Variants in IGF1R observed in about 807,000 individuals in gnomAD.
IGF1R encodes insulin like growth factor 1 receptor, also known as insulin-like growth factor 1 receptor.
IGF1R carries 44 observed loss-of-function variants against 144.6 expected under a neutral mutation model. That is an observed-to-expected ratio of 0.30 (90% confidence interval 0.24 to 0.39). The LOEUF is 0.39. IGF1R is among the 10% of genes least tolerant of loss of function. The probability of loss-of-function intolerance (pLI) is 1.00; values close to 1 mark genes in which losing one functional copy is unlikely to be tolerated. For synonymous variants in IGF1R, 795 were observed against 722.8 expected, an observed-to-expected ratio of 1.10 and a Z score of -1.60; for missense variants, 1,355 against 1,833.7, an observed-to-expected ratio of 0.74 and a Z score of 4.77.
chr15:98,825,123 G>C (rs1158859705), intron 2 of IGF1R, among the ~76,000 whole-genome samples: 1 of 152,176 alleles, frequency 6.6e-6, no homozygotes, highest in Non-Finnish European at 1.5e-5. Flanking sequence ...ACAGGCATGA[G>C]CCACCATGCC....
At chr15:98,716,878 G>T (rs2054130536) in intron 2 of IGF1R, among the ~76,000 whole-genome samples, 1 of 152,154 alleles carries the variant, frequency 6.6e-6, no homozygotes, top group Non-Finnish European at 1.5e-5. Flanking sequence ...TCATGGGGCT[G>T]GCCAGGCCTC....
At chr15:98,667,782 G>C (rs535290199) in intron 1 of IGF1R, among the ~76,000 whole-genome samples, 28 of 152,234 alleles carry the variant, frequency 1.8e-4, no homozygotes, top group Non-Finnish European at 3.7e-4. Flanking sequence ...TCTGTGCCTG[G>C]AAGTTGGACT....
chr15:98,888,730 C>T (rs550658176), intron 2 of IGF1R, among the ~76,000 whole-genome samples: 10 of 152,248 alleles, frequency 6.6e-5, no homozygotes, highest in African/African-American at 2.2e-4. Flanking sequence ...TTAGAGATAG[C>T]TCTGAAGACA....
intron 2 of IGF1R, among the ~76,000 whole-genome samples, chr15:98,785,037 G>C (rs1269211779): frequency 6.6e-6 from 1 of 152,180 alleles, no homozygotes; most frequent in East Asian, 1.9e-4. Flanking sequence ...ATATATATGT[G>C]TATGTGTTTA....
chr15:98,948,755 A>G, intron 20 of IGF1R, 47 bp downstream of exon 20: 1 of 1,603,338 alleles, frequency 6.2e-7, no homozygotes, highest in Non-Finnish European at 8.5e-7. Context: ...TCTCTTCTCA[A>G]ATACCTGTTT....
At chr15:98,941,725 A>C (rs2016372883) in intron 18 of IGF1R, among the ~76,000 whole-genome samples, 3 of 152,240 alleles carry the variant, frequency 2.0e-5, no homozygotes, top group Admixed American at 2.0e-4. Flanking sequence ...CTCTTAGCAT[A>C]GCACAAGTAA....
chr15:98,923,872 A>G lies in IGF1R; in HGVS notation c.2486-4A>G. The G allele has an allele frequency of 6.2e-7, 1 of 1,613,606 alleles. No individual in the cohort carries two copies. The highest frequency in any genetic ancestry group is 8.5e-7 in the Non-Finnish European group (1 of 1,179,550). On this transcript the variant is annotated splice_region_variant and splice_polypyrimidine_tract_variant and intron_variant, in intron 11 of 20. Transcript: ENST00000650285. ...CAACTTTGTCACCTGTTTAAATTGT[A>G]CAGAAGGAGCAGATGACATTCCTGG...
At chr15:98,653,273 G>A (rs1325902568) in intron 1 of IGF1R, among the ~76,000 whole-genome samples, 1 of 152,160 alleles carries the variant, frequency 6.6e-6, no homozygotes, top group African/African-American at 2.4e-5. Context: ...TGAAATGATG[G>A]TTTTTTTCAG....
chr15:98,939,165 A>G lies in IGF1R; in HGVS notation c.3298-36A>G, dbSNP rs779262201. ...AAATTGGCATGGAAAAAAAAAATCCAAAATTCTCATGTGAATTTTTTTAAA... is the reference window on the plus strand; with the variant it reads ...AAATTGGCATGGAAAAAAAAAATCCGAAATTCTCATGTGAATTTTTTTAAA... On this transcript the variant is annotated intron_variant, in intron 17 of 20. Coordinates refer to ENST00000650285, the MANE Select transcript of IGF1R (RefSeq NM_000875.5). The G allele has an allele frequency of 5.0e-6, 8 of 1,604,314 alleles. No individual in the cohort carries two copies. The African/African-American group carries it at 9.4e-5, about 19-fold the overall frequency.
rs2053608172 is a variant in IGF1R, at chr15:98,696,890, A to G, written c.95-10672A>G. On this transcript the variant is annotated intron_variant, in intron 1 of 20. Coordinates refer to ENST00000650285, the MANE Select transcript of IGF1R (RefSeq NM_000875.5). ...AGGTTCCTGTGGGTGTGGATGGAGA[A>G]ATCCTAAATGCCGAGGGTACCTGGT... Among the ~76,000 whole-genome samples, 5 of 152,126 alleles carry G rather than the reference A, an allele frequency of 3.3e-5. No homozygotes were observed. The South Asian group carries it at 1.0e-3, about 32-fold the overall frequency.
At chr15:98,736,282 A>G (rs1221087425) in intron 2 of IGF1R, among the ~76,000 whole-genome samples, 1 of 152,252 alleles carries the variant, frequency 6.6e-6, no homozygotes, top group Non-Finnish European at 1.5e-5. Context: ...TCTCAGCAAG[A>G]AAGGTTAATA....
At chr15:98,861,989 G>A (rs1256204050) in intron 2 of IGF1R, among the ~76,000 whole-genome samples, 1 of 152,142 alleles carries the variant, frequency 6.6e-6, no homozygotes, top group Non-Finnish European at 1.5e-5. Context: ...TTTCATTTGG[G>A]GCTGGTCTCC....
intron 18 of IGF1R, among the ~76,000 whole-genome samples, chr15:98,941,025 C>T (rs541664094): frequency 1.3e-5 from 2 of 152,244 alleles, no homozygotes; most frequent in Non-Finnish European, 2.9e-5. Context: ...CTGTAGAACT[C>T]ACATTGTCCC....
At chr15:98,901,702 C>T (rs1247751570) in intron 5 of IGF1R, among the ~76,000 whole-genome samples, 1 of 152,162 alleles carries the variant, frequency 6.6e-6, no homozygotes, top group Non-Finnish European at 1.5e-5. Context: ...GAAATGTGCC[C>T]TAGGCATGGA....
intron 2 of IGF1R, 45 bp downstream of exon 2, chr15:98,708,152 C>T: frequency 2.0e-6 from 3 of 1,504,044 alleles, no homozygotes; most frequent in South Asian, 1.1e-5. Flanking sequence ...CTCTCTCTCT[C>T]CTCTCCTCCT....
At chr15:98,683,266 C>T (rs144142302) in intron 1 of IGF1R, among the ~76,000 whole-genome samples, 543 of 152,206 alleles carry the variant, frequency 3.6e-3, no homozygotes, top group Non-Finnish European at 6.0e-3. Context: ...CGCCTTTTCA[C>T]GGATACACCT....
chr15:98,861,016 TTC>T lies in IGF1R; in HGVS notation c.641-30307_641-30306del, dbSNP rs1032932028. Reference sequence around the variant, plus strand: ...ATTTATTCCTTTGCATGATTTTTTTTTCTTTTTCTTCCCTCCCTCCCTCCCTC... The same window carrying T: ...ATTTATTCCTTTGCATGATTTTTTTTTTTTTCTTCCCTCCCTCCCTCCCTC... On this transcript the variant is annotated intron_variant, in intron 2 of 20. Transcript: ENST00000650285. Among the ~76,000 whole-genome samples the T allele has an allele frequency of 8.8e-4, 134 of 152,148 alleles. No individual in the cohort carries two copies. In the Middle Eastern group the frequency reaches 0.02, roughly 23 times the overall value.
At chr15:98,710,303 A>G (rs2053962856) in intron 2 of IGF1R, among the ~76,000 whole-genome samples, 1 of 152,162 alleles carries the variant, frequency 6.6e-6, no homozygotes, top group Admixed American at 6.5e-5. Flanking sequence ...TTTCCGGGAA[A>G]TTGACTTCCC....
intron 2 of IGF1R, among the ~76,000 whole-genome samples, chr15:98,863,048 A>C (rs771946489): frequency 6.6e-5 from 10 of 152,088 alleles, no homozygotes; most frequent in Non-Finnish European, 1.2e-4. Context: ...CCTACCTGGC[A>C]TTTATTGTGT....
Sources: allele counts gnomAD v4.1 joint callset (sites outside exome capture counted in the v4.1 genomes callset), GRCh38; gene constraint gnomAD v4.1.1; transcripts MANE v1.5; gene names NCBI Gene and HGNC (gene_info 2026-07-23, HGNC 2026-07-21).